The following AQR variants were observed in gnomAD, a reference collection of about 807,000 sequenced individuals.
AQR encodes RNA helicase aquarius.
In AQR, 61 loss-of-function variants were observed where a neutral mutation model predicts 180.5. The observed-to-expected ratio is 0.34, with a 90% CI of 0.28 to 0.42. The LOEUF (loss-of-function observed/expected upper bound fraction) is 0.42, where lower values mean the gene tolerates loss of function less well. Among genes scored for constraint, AQR ranks in the 10% least tolerant of loss-of-function variants. The pLI is 1.00. For synonymous variants in AQR, 551 were observed against 588.8 expected, an observed-to-expected ratio of 0.94 and a Z score of 0.93; for missense variants, 1,281 against 1,798.3, an observed-to-expected ratio of 0.71 and a Z score of 5.20.
At chr15:34,884,892 GAC>G (rs956870190) in intron 25 of AQR, among the ~76,000 whole-genome samples, 158 bp from the exon 26 acceptor site, 12 of 152,080 alleles carry the variant, frequency 7.9e-5, no homozygotes, top group African/African-American at 2.9e-4. Context: ...TCCTGTAACT[GAC>G]AGATTGCTCT....
chr15:34,906,928 T>C lies in AQR; in HGVS notation c.1664-216A>G, dbSNP rs139568027. Among the ~76,000 whole-genome samples the C allele has an allele frequency of 4.0e-3, 610 of 152,324 alleles. 1 individual carries two copies. Among genetic ancestry groups the C allele is most frequent in the Non-Finnish European group, 7.3e-3 (497 of 68,028 alleles). On this transcript the variant is annotated intron_variant, in intron 17 of 34. Transcript: ENST00000156471. Reference sequence around the variant, plus strand: ...ATTAATTGAAATGAAAACTTCTTTATATTAAAATTAGAAACATTCATGCCA... The same window carrying C: ...ATTAATTGAAATGAAAACTTCTTTACATTAAAATTAGAAACATTCATGCCA...
intron 27 of AQR, among the ~76,000 whole-genome samples, chr15:34,878,945 T>C (rs1892928004): frequency 6.6e-6 from 1 of 151,964 alleles, no homozygotes; most frequent in African/African-American, 2.4e-5. Context: ...GGAGAATCAC[T>C]TGAACCCAGG....
intron 32 of AQR, 141 bp from the exon 33 acceptor site, chr15:34,863,182 G>GT: frequency 1.4e-6 from 1 of 713,084 alleles, no homozygotes; most frequent in East Asian, 2.8e-5. Flanking sequence ...CTTAATAGAA[G>GT]TTAATCAATG....
chr15:34,896,630 C>T (rs1311423311), intron 22 of AQR, among the ~76,000 whole-genome samples: 4 of 151,970 alleles, frequency 2.6e-5, no homozygotes, highest in East Asian at 1.9e-4. Flanking sequence ...GGTGGATCAC[C>T]TGAGGTCAAG....
rs773043615 is a variant in AQR at position 34,918,397 on chromosome 15, G to A, written c.1222-19C>T. 6.2e-7 allele frequency: 1 copy of A among 1,609,700 alleles called. No homozygotes were observed. The highest frequency in any genetic ancestry group is 2.2e-5 in the East Asian group (1 of 44,770). ...GAGATACCTAAAATAAAGGAAACAA[G>A]TTCATGCAGAAGGTTAGAAGCATCT... is the stretch of plus-strand genomic sequence containing the variant. On this transcript the variant is annotated intron_variant, in intron 14 of 34. Coordinates refer to ENST00000156471, the MANE Select transcript of AQR (RefSeq NM_014691.3).
chr15:34,874,481 T>A (rs979064829), intron 29 of AQR, 196 bp downstream of exon 29: 3 of 543,500 alleles, frequency 5.5e-6, no homozygotes, highest in Admixed American at 7.5e-5. Flanking sequence ...TATTAATGAA[T>A]GAAATGAAGG....
chr15:34,900,991 G>A (rs376658350), intron 19 of AQR, 128 bp from the exon 20 acceptor site: 41 of 1,238,712 alleles, frequency 3.3e-5, no homozygotes, highest in East Asian at 7.4e-5. Context: ...GCTATTTTCC[G>A]CTGGCTGACA....
intron 12 of AQR, 141 bp downstream of exon 12, chr15:34,930,117 T>C (rs2290320): frequency 0.79 from 383,669 of 486,222 alleles, 153,707 homozygotes; most frequent in Non-Finnish European, 0.84. Context: ...AAGAATTCAT[T>C]GGAAAAAGAA....
At position 34,896,900 on chromosome 15, in the gene AQR, A is replaced by C. The variant is rs1360065903; in HGVS notation, c.2457T>G (p.Thr819=). 1 of 1,609,932 alleles carries C rather than the reference A, an allele frequency of 6.2e-7. No homozygotes were observed. The highest frequency in any genetic ancestry group is 8.5e-7 in the Non-Finnish European group (1 of 1,176,142). ...ACAGGTGTAACAATTCTCTTACCAT[A>C]GTCAGCCCAGGCTGCATTCCAGCAC... ...AIRAGMQPGL[T]MVVGPPGTGK... The change falls in exon 22 of 35, where the codon ACT becomes ACG. Residue 819 remains threonine (T), a synonymous_variant. Transcript: ENST00000156471.
At chr15:34,938,400 G>A (rs1404085904) in intron 9 of AQR, among the ~76,000 whole-genome samples, 1 of 152,036 alleles carries the variant, frequency 6.6e-6, no homozygotes, top group African/African-American at 2.4e-5. Flanking sequence ...GGGCATGGTG[G>A]TGCATCCCTG....
At chr15:34,964,047 G>A (rs1200555348) in intron 2 of AQR, among the ~76,000 whole-genome samples, 187 bp downstream of exon 2, 1 of 152,118 alleles carries the variant, frequency 6.6e-6, no homozygotes, top group Non-Finnish European at 1.5e-5. Flanking sequence ...TTTCTTATGT[G>A]TAGTTTCTAT....
At chr15:34,938,668 A>AGAT in intron 9 of AQR, 69 bp downstream of exon 9, 1 of 971,552 alleles carries the variant, frequency 1.0e-6, no homozygotes, top group Non-Finnish European at 1.6e-6. Context: ...TTTAGATTAG[A>AGAT]GATGAGTAAA....
At chr15:34,890,716 T>A (rs1893131570) in intron 23 of AQR, among the ~76,000 whole-genome samples, 1 of 152,172 alleles carries the variant, frequency 6.6e-6, no homozygotes, top group African/African-American at 2.4e-5. Context: ...AAGAAGGCAG[T>A]GAGTGTGTTG....
At chr15:34,967,813 T>C (rs1186757530) in intron 1 of AQR, among the ~76,000 whole-genome samples, 4 of 152,062 alleles carry the variant, frequency 2.6e-5, no homozygotes, top group Admixed American at 6.6e-5. Flanking sequence ...AAAGATTTCT[T>C]TTTTTTTGCT....
At chr15:34,890,921 T>C (rs1893135940) in intron 23 of AQR, among the ~76,000 whole-genome samples, 1 of 152,188 alleles carries the variant, frequency 6.6e-6, no homozygotes, top group Admixed American at 6.5e-5. Flanking sequence ...CGAATCCTAG[T>C]ATTCATTATC....
At chr15:34,958,096 T>C (rs1320800656) in intron 3 of AQR, among the ~76,000 whole-genome samples, 1 of 151,770 alleles carries the variant, frequency 6.6e-6, no homozygotes, top group African/African-American at 2.4e-5. Flanking sequence ...TAATCCCAGC[T>C]ACTAGGGAGG....
chr15:34,892,918 A>G (rs1277366908), intron 23 of AQR, among the ~76,000 whole-genome samples: 1 of 152,232 alleles, frequency 6.6e-6, no homozygotes, highest in Non-Finnish European at 1.5e-5. Flanking sequence ...ACACCATCAT[A>G]AAGTCAAAAT....
At chr15:34,934,104 G>T (rs1241695832) in intron 10 of AQR, among the ~76,000 whole-genome samples, 1 of 151,474 alleles carries the variant, frequency 6.6e-6, no homozygotes, top group African/African-American at 2.4e-5. Flanking sequence ...TCTAGCCTTG[G>T]TGACAGAGAA....
intron 24 of AQR, among the ~76,000 whole-genome samples, chr15:34,888,369 C>T (rs1020829034): frequency 2.0e-5 from 3 of 151,614 alleles, no homozygotes; most frequent in Non-Finnish European, 4.4e-5. Flanking sequence ...TCAATTAGTA[C>T]ATTATTACAC....
Sources: gnomAD v4.1 joint callset for allele counts (sites outside exome capture counted in the v4.1 genomes callset) on GRCh38, gnomAD v4.1.1 for gene constraint, MANE v1.5 for transcripts, NCBI Gene and HGNC (gene_info 2026-07-23, HGNC 2026-07-21) for gene names.